The following PALLD variants were observed in gnomAD, a reference collection of about 807,000 sequenced individuals.
PALLD encodes the protein palladin.
In PALLD, 61 loss-of-function variants were observed where a neutral mutation model predicts 123.5. That is an observed-to-expected ratio of 0.49 (90% CI 0.40 to 0.61). PALLD has a LOEUF of 0.61. PALLD is among the 20% of genes least tolerant of loss of function. The pLI is 0.00. For synonymous variants in PALLD, 465 were observed against 496.4 expected, an observed-to-expected ratio of 0.94 and a Z score of 0.84; for missense variants, 1,273 against 1,377.0, an observed-to-expected ratio of 0.92 and a Z score of 1.20.
intron 10 of PALLD, among the ~76,000 whole-genome samples, chr4:168,759,765 G>C (rs921300339): frequency 2.6e-5 from 4 of 152,120 alleles, no homozygotes; most frequent in Non-Finnish European, 5.9e-5. Context: ...CTAGAATAGA[G>C]TATTTCCTGC....
At chr4:168,817,650 G>A (rs113280845) in intron 10 of PALLD, among the ~76,000 whole-genome samples, 5 of 152,062 alleles carry the variant, frequency 3.3e-5, no homozygotes, top group South Asian at 2.1e-4. Context: ...TTTGCAGTAC[G>A]GGTGGAAGAG....
intron 2 of PALLD, among the ~76,000 whole-genome samples, chr4:168,641,011 A>G (rs2149869963): frequency 6.6e-6 from 1 of 152,314 alleles, no homozygotes; most frequent in South Asian, 2.1e-4. Context: ...GATCGAGACC[A>G]TCCTGGCTAA....
intron 10 of PALLD, among the ~76,000 whole-genome samples, chr4:168,803,902 C>T (rs1387774909): frequency 3.9e-5 from 6 of 152,204 alleles, no homozygotes; most frequent in East Asian, 3.9e-4. Context: ...CTGTGCTGGA[C>T]GGAGGGTTGC....
chr4:168,738,641 G>T, intron 10 of PALLD, among the ~76,000 whole-genome samples: 1 of 145,290 alleles, frequency 6.9e-6, no homozygotes, highest in Non-Finnish European at 1.5e-5. Flanking sequence ...ATGTTGGCCA[G>T]GCTGGCCTCG....
At chr4:168,744,260 C>G (rs1328037226) in intron 10 of PALLD, among the ~76,000 whole-genome samples, 1 of 152,172 alleles carries the variant, frequency 6.6e-6, no homozygotes, top group African/African-American at 2.4e-5. Flanking sequence ...ACAGATGACT[C>G]CTTGGGGGCC....
intron 15 of PALLD, among the ~76,000 whole-genome samples, chr4:168,905,748 T>C (rs1018647357): frequency 6.6e-6 from 1 of 151,740 alleles, no homozygotes; most frequent in Non-Finnish European, 1.5e-5. Context: ...GTGTTCATAT[T>C]TGATATATAT....
chr4:168,806,362 C>A (rs540006315), intron 10 of PALLD, among the ~76,000 whole-genome samples: 1 of 152,072 alleles, frequency 6.6e-6, no homozygotes, highest in Non-Finnish European at 1.5e-5. Flanking sequence ...GTGAGCCCAG[C>A]CAAGATCTCG....
At chr4:168,541,524 A>G (rs1765613462) in intron 2 of PALLD, among the ~76,000 whole-genome samples, 1 of 151,580 alleles carries the variant, frequency 6.6e-6, no homozygotes, top group Admixed American at 6.6e-5. Flanking sequence ...CCCAGGCTGG[A>G]GTGCAGTGGC....
intron 10 of PALLD, among the ~76,000 whole-genome samples, chr4:168,735,079 T>C (rs1374710337): frequency 1.3e-5 from 2 of 152,218 alleles, no homozygotes; most frequent in African/African-American, 4.8e-5. Flanking sequence ...ATATCAAAGA[T>C]TGAGCCTGTT....
At chr4:168,798,803 C>T (rs2150665426) in intron 10 of PALLD, among the ~76,000 whole-genome samples, 1 of 152,204 alleles carries the variant, frequency 6.6e-6, no homozygotes, top group South Asian at 2.1e-4. Context: ...CATTGCTGCC[C>T]ATGTAAACTT....
At chr4:168,887,121 A>T (rs1753459753) in intron 10 of PALLD, among the ~76,000 whole-genome samples, 1 of 141,438 alleles carries the variant, frequency 7.1e-6, no homozygotes. Context: ...TGTCTCAAAA[A>T]AAAAAAAAAA....
rs1463921617 is a variant in PALLD at position 168,898,532 on chromosome 4, G to A, written c.2290G>A (p.Glu764Lys). The A allele has an allele frequency of 6.2e-7, 1 of 1,613,848 alleles. No individual in the cohort carries two copies. Among genetic ancestry groups the A allele is most frequent in the Non-Finnish European group, 8.5e-7 (1 of 1,179,712 alleles). The change falls in exon 14 of 22, where the codon GAA becomes AAA. Residue 764 changes from glutamate (E) to lysine (K), a missense_variant. Glu to Lys is a moderately conservative substitution (Grantham distance 56). Coordinates refer to ENST00000505667, the MANE Select transcript of PALLD (RefSeq NM_001166108.2). ...VSSCEQRLIS[E>K]IEYRLERSPV... is the part of the protein sequence containing the mutation. The stretch of plus-strand genomic sequence containing the variant: ...CAGCTGTGAACAGAGACTCATCAGT[G>A]AAATAGAGTACAGGCTAGAAAGGTC...
chr4:168,732,313 T>C (rs1787258434), intron 10 of PALLD, among the ~76,000 whole-genome samples: 1 of 152,346 alleles, frequency 6.6e-6, no homozygotes, highest in African/African-American at 2.4e-5. Context: ...AGGTGATTGA[T>C]TGACTTAGAG....
intron 10 of PALLD, among the ~76,000 whole-genome samples, chr4:168,874,426 C>T (rs1188244267): frequency 6.6e-6 from 1 of 152,174 alleles, no homozygotes; most frequent in Non-Finnish European, 1.5e-5. Context: ...TTGTTGAAAG[C>T]TTTCTGCAAA....
intron 10 of PALLD, among the ~76,000 whole-genome samples, chr4:168,751,258 C>T (rs1052058765): frequency 7.2e-5 from 11 of 152,050 alleles, no homozygotes; most frequent in Admixed American, 2.0e-4. Context: ...GTGATCTGCC[C>T]ACCTCAGCCT....
intron 10 of PALLD, among the ~76,000 whole-genome samples, chr4:168,766,602 C>T (rs1287001492): frequency 6.6e-6 from 1 of 152,226 alleles, no homozygotes. Context: ...CCATGATGGG[C>T]ATCTGTAGTG....
intron 10 of PALLD, among the ~76,000 whole-genome samples, chr4:168,778,974 T>C (rs1374761758): frequency 6.6e-6 from 1 of 152,230 alleles, no homozygotes; most frequent in African/African-American, 2.4e-5. Flanking sequence ...GAGGTCCTGC[T>C]CTAAACACTT....
Position 168,860,754 on chromosome 4 carries a change from G to A in PALLD, c.1965-30168G>A, listed in dbSNP as rs1270596331. On this transcript the variant is annotated intron_variant, in intron 10 of 21. Transcript: ENST00000505667. ...CAAGAATCACTTGAACCCAGGAGGCGGAGGTTGCAGTGAGCTGAGATCGTG... is the reference window on the plus strand; with the variant it reads ...CAAGAATCACTTGAACCCAGGAGGCAGAGGTTGCAGTGAGCTGAGATCGTG... 3.3e-5 allele frequency among the ~76,000 whole-genome samples: 5 copies of A among 152,122 alleles called. No individual in the cohort carries two copies. In the South Asian group the frequency reaches 6.2e-4, roughly 19 times the overall value.
chr4:168,842,431 T>C (rs145806309), intron 10 of PALLD, among the ~76,000 whole-genome samples: 13 of 152,312 alleles, frequency 8.5e-5, no homozygotes, highest in Middle Eastern at 3.4e-3. Context: ...TGCATCCTGG[T>C]GTAGATATCA....
Sources: gnomAD v4.1 joint callset for allele counts (sites outside exome capture counted in the v4.1 genomes callset) on GRCh38, gnomAD v4.1.1 for gene constraint, MANE v1.5 for transcripts, NCBI Gene and HGNC (gene_info 2026-07-23, HGNC 2026-07-21) for gene names.